Variants in SGIP1 observed in about 807,000 individuals in gnomAD.
SGIP1 encodes the protein SH3GL interacting endocytic adaptor 1, also known as SH3-containing GRB2-like protein 3-interacting protein 1.
In SGIP1, 38 loss-of-function variants were observed where a neutral mutation model predicts 107.5. That is an observed-to-expected ratio of 0.35 (90% confidence interval 0.27 to 0.46). The LOEUF (loss-of-function observed/expected upper bound fraction) is 0.46. Ranked by LOEUF, SGIP1 falls within the 20% of genes least tolerant of loss-of-function variation. The pLI, the probability that SGIP1 is intolerant of heterozygous loss-of-function variation, is 1.00. For synonymous variants in SGIP1, 365 were observed against 366.1 expected, an observed-to-expected ratio of 1.00 and a Z score of 0.03; for missense variants, 929 against 1,019.5, an observed-to-expected ratio of 0.91 and a Z score of 1.21.
At position 66,717,847 on chromosome 1, in the gene SGIP1, ATAATGT is replaced by A. The variant is rs1454437476; in HGVS notation, c.1631-1441_1631-1436del. 1.5e-4 allele frequency among the ~76,000 whole-genome samples: 23 copies of A among 152,322 alleles called. No individual in the cohort carries two copies. In the East Asian group the frequency reaches 3.9e-3, roughly 26 times the overall value. ...AAAACACTTAGTAAGTGTGCAACAA[ATAATGT>A]TAATGGAGGTCATTAAGATTAGTGA... On this transcript the variant is annotated intron_variant, in intron 18 of 24. Transcript: ENST00000371037.
At chr1:66,690,723 T>A (rs937330343) in intron 17 of SGIP1, among the ~76,000 whole-genome samples, 1 of 152,250 alleles carries the variant, frequency 6.6e-6, no homozygotes, top group African/African-American at 2.4e-5. Context: ...TTGTATTTTC[T>A]TGAAGCTTTC....
At chr1:66,663,187 A>G (rs971862589) in intron 8 of SGIP1, among the ~76,000 whole-genome samples, 1 of 151,984 alleles carries the variant, frequency 6.6e-6, no homozygotes, top group Non-Finnish European at 1.5e-5. Context: ...GAATCTCACA[A>G]TGTGTATGTG....
chr1:66,685,826 A>T (rs1031434850), intron 15 of SGIP1, among the ~76,000 whole-genome samples: 5 of 152,238 alleles, frequency 3.3e-5, no homozygotes, highest in African/African-American at 9.6e-5. Context: ...CAACTATCTT[A>T]TTAGACAGTT....
At chr1:66,555,801 G>A (rs2058089740) in intron 1 of SGIP1, among the ~76,000 whole-genome samples, 1 of 152,020 alleles carries the variant, frequency 6.6e-6, no homozygotes, top group Non-Finnish European at 1.5e-5. Flanking sequence ...TATGTATCAG[G>A]CCCAGTTCCA....
chr1:66,613,379 G>A (rs998427721), intron 1 of SGIP1, among the ~76,000 whole-genome samples: 1 of 152,176 alleles, frequency 6.6e-6, no homozygotes, highest in East Asian at 1.9e-4. Context: ...GTCCACGAGG[G>A]AGTGCAGTGG....
chr1:66,561,932 A>G (rs928059392), intron 1 of SGIP1, among the ~76,000 whole-genome samples: 8 of 152,056 alleles, frequency 5.3e-5, no homozygotes, highest in Admixed American at 6.6e-5. Flanking sequence ...ATACACCAGG[A>G]TTAAATTTTG....
chr1:66,611,830 G>T lies in SGIP1; in HGVS notation c.11-14017G>T, dbSNP rs948633274. ...CAGTTTACTTGGAGAGGGAACGCTG[G>T]CAAAAGAACTGGCTGGGGAGGAAGA... On this transcript the variant is annotated intron_variant, in intron 1 of 24. Coordinates refer to ENST00000371037, the MANE Select transcript of SGIP1 (RefSeq NM_032291.4). 2.6e-5 allele frequency among the ~76,000 whole-genome samples: 4 copies of T among 152,104 alleles called. No individual in the cohort carries two copies. The East Asian group carries it at 7.7e-4, about 29-fold the overall frequency.
chr1:66,707,972 A>G (rs536212375), intron 18 of SGIP1, among the ~76,000 whole-genome samples: 1 of 152,274 alleles, frequency 6.6e-6, no homozygotes, highest in East Asian at 1.9e-4. Flanking sequence ...CCTTCCCCAA[A>G]GAACCAATTT....
chr1:66,690,040 T>C (rs976052560), intron 16 of SGIP1, 150 bp from the exon 17 acceptor site: 2 of 895,024 alleles, frequency 2.2e-6, no homozygotes, highest in African/African-American at 1.7e-5. Flanking sequence ...AACTCTCATA[T>C]AGATAGAATT....
At chr1:66,655,299 T>G (rs1432249737) in intron 7 of SGIP1, among the ~76,000 whole-genome samples, 2 of 152,052 alleles carry the variant, frequency 1.3e-5, no homozygotes, top group African/African-American at 4.8e-5. Flanking sequence ...CCTAGATAGC[T>G]GTATTGTGAC....
At chr1:66,565,209 T>C (rs545631418) in intron 1 of SGIP1, among the ~76,000 whole-genome samples, 5 of 152,168 alleles carry the variant, frequency 3.3e-5, no homozygotes, top group South Asian at 2.1e-4. Flanking sequence ...GTCTCCCTTT[T>C]CAGTTTAGTG....
intron 7 of SGIP1, among the ~76,000 whole-genome samples, chr1:66,645,851 T>C (rs2077563222): frequency 6.6e-6 from 1 of 152,152 alleles, no homozygotes; most frequent in African/African-American, 2.4e-5. Context: ...TTTGTTGTTG[T>C]TGTTGTTTAG....
chr1:66,643,140 T>C (rs2077078063), intron 6 of SGIP1, among the ~76,000 whole-genome samples: 1 of 64,042 alleles, frequency 1.6e-5, no homozygotes, highest in Admixed American at 1.7e-4. Flanking sequence ...GACTAGAAAA[T>C]AGCTCTTACT....
intron 5 of SGIP1, 97 bp downstream of exon 5, chr1:66,639,930 C>T (rs2076462432): frequency 1.1e-6 from 1 of 924,180 alleles, no homozygotes; most frequent in Non-Finnish European, 1.7e-6. Flanking sequence ...AAGCGAAATG[C>T]TCTCCATGTC....
intron 1 of SGIP1, among the ~76,000 whole-genome samples, chr1:66,568,231 C>T (rs1256623578): frequency 1.3e-5 from 2 of 151,860 alleles, no homozygotes; most frequent in Admixed American, 6.6e-5. Context: ...TCCCTTGTTA[C>T]CTGTATTCCT....
intron 8 of SGIP1, among the ~76,000 whole-genome samples, chr1:66,664,597 T>C (rs1346722747): frequency 6.6e-6 from 1 of 152,182 alleles, no homozygotes; most frequent in Non-Finnish European, 1.5e-5. Flanking sequence ...CTATAGCATG[T>C]AGCCAGTTGA....
chr1:66,597,342 C>T (rs2064906090), intron 1 of SGIP1, among the ~76,000 whole-genome samples: 1 of 152,162 alleles, frequency 6.6e-6, no homozygotes, highest in Admixed American at 6.5e-5. Flanking sequence ...ACTGTTTATC[C>T]AACATTCTAT....
intron 1 of SGIP1, among the ~76,000 whole-genome samples, chr1:66,602,056 G>A (rs555011955): frequency 1.8e-4 from 27 of 152,298 alleles, no homozygotes; most frequent in Non-Finnish European, 1.2e-4. Context: ...CTAACATCAG[G>A]TGTACATAGA....
chr1:66,659,736 C>A (rs896708886), intron 7 of SGIP1, among the ~76,000 whole-genome samples: 5 of 151,408 alleles, frequency 3.3e-5, no homozygotes, highest in Non-Finnish European at 7.4e-5. Context: ...ATAGCAAGAC[C>A]CTATCTTTAC....
Sources: allele counts gnomAD v4.1 joint callset (sites outside exome capture counted in the v4.1 genomes callset), GRCh38; gene constraint gnomAD v4.1.1; transcripts MANE v1.5; gene names NCBI Gene and HGNC (gene_info 2026-07-23, HGNC 2026-07-21).